Variants in WWOX observed in about 807,000 individuals in gnomAD.
The protein encoded by WWOX is WW domain containing oxidoreductase.
In WWOX, 69 loss-of-function variants were observed where a neutral mutation model predicts 46.2. That is an observed-to-expected ratio of 1.49 (90% CI 1.23 to 1.82). The LOEUF is 1.82. WWOX is among the 40% of genes most tolerant of loss of function. The probability of loss-of-function intolerance (pLI) is 0.00; values close to 1 mark genes in which losing one functional copy is unlikely to be tolerated. For synonymous variants in WWOX, 359 were observed against 202.6 expected (o/e 1.77, Z -6.56); for missense variants, 919 against 542.6 (o/e 1.69, Z -6.89).
chr16:78,546,000 A>G (rs1597244713), intron 8 of WWOX, among the ~76,000 whole-genome samples: 2 of 152,198 alleles, frequency 1.3e-5, no homozygotes, highest in East Asian at 1.9e-4. Context: ...ACTTCAGGAT[A>G]TAAATTTGAG....
chr16:78,494,768 TC>T (rs2084869830), intron 8 of WWOX, among the ~76,000 whole-genome samples: 1 of 152,108 alleles, frequency 6.6e-6, no homozygotes, highest in Non-Finnish European at 1.5e-5. Flanking sequence ...AATTAGCTCC[TC>T]CCCCCATCTT....
In WWOX at chr16:79,198,065, C is replaced by T. The variant is rs925071503; in HGVS notation, c.1057-13543C>T. 3.6e-4 allele frequency among the ~76,000 whole-genome samples: 54 copies of T among 152,060 alleles called. 1 individual carries two copies. The highest frequency in any genetic ancestry group is 8.8e-5 in the Non-Finnish European group (6 of 68,008). On this transcript the variant is annotated intron_variant, in intron 8 of 8. Transcript: ENST00000566780. ...ATGGGCTGGGCATGGTGGCTCATGC[C>T]TATAATCCCAGCACTTGGGGAGGCC... is the stretch of plus-strand genomic sequence containing the variant.
At chr16:78,743,926 G>C (rs994853339) in intron 8 of WWOX, among the ~76,000 whole-genome samples, 2 of 152,074 alleles carry the variant, frequency 1.3e-5, no homozygotes, top group African/African-American at 2.4e-5. Flanking sequence ...CTATGCTTGG[G>C]CTGCTCCCAC....
chr16:78,662,524 C>T (rs370016731), intron 8 of WWOX, among the ~76,000 whole-genome samples: 1 of 152,128 alleles, frequency 6.6e-6, no homozygotes, highest in Non-Finnish European at 1.5e-5. Context: ...CTATCAGGCC[C>T]TTTGGACCAG....
intron 8 of WWOX, among the ~76,000 whole-genome samples, chr16:78,968,661 G>A (rs963086662): frequency 1.3e-5 from 2 of 152,190 alleles, no homozygotes; most frequent in African/African-American, 4.8e-5. Flanking sequence ...TGCCAAGGAG[G>A]CTGATATCGG....
At chr16:78,528,216 G>T (rs575873716) in intron 8 of WWOX, among the ~76,000 whole-genome samples, 2 of 120,428 alleles carry the variant, frequency 1.7e-5, no homozygotes, top group African/African-American at 6.5e-5. Flanking sequence ...GGGTTTCACC[G>T]TGTTAGCCAG....
At chr16:78,788,812 A>T (rs997922112) in intron 8 of WWOX, among the ~76,000 whole-genome samples, 1 of 152,142 alleles carries the variant, frequency 6.6e-6, no homozygotes, top group Non-Finnish European at 1.5e-5. Flanking sequence ...GTCTGGGGGT[A>T]TGGGGGGCAG....
chr16:79,151,226 A>T (rs2050272389), intron 8 of WWOX, among the ~76,000 whole-genome samples: 1 of 152,180 alleles, frequency 6.6e-6, no homozygotes, highest in South Asian at 2.1e-4. Flanking sequence ...GATCATTTGA[A>T]ATCTGGAACA....
At chr16:78,278,498 GTTAA>G (rs1184155574) in intron 5 of WWOX, 22 of 1,161,838 alleles carry the variant, frequency 1.9e-5, no homozygotes, top group Non-Finnish European at 2.7e-5. Flanking sequence ...GCTTGAATTT[GTTAA>G]TTAATTAGCA....
At chr16:79,101,382 G>T (rs2049189684) in intron 8 of WWOX, 1 of 152,190 alleles carries the variant, frequency 6.6e-6, no homozygotes, top group African/African-American at 2.4e-5. Flanking sequence ...GTCAGGTAAG[G>T]TGGAATTTGG....
chr16:78,805,236 C>G (rs970154312), intron 8 of WWOX, among the ~76,000 whole-genome samples: 1 of 152,094 alleles, frequency 6.6e-6, no homozygotes, highest in South Asian at 2.1e-4. Flanking sequence ...TCTGGAGAAT[C>G]AAATCCAAAA....
At chr16:78,562,514 G>A (rs752847427) in intron 8 of WWOX, among the ~76,000 whole-genome samples, 37 of 152,168 alleles carry the variant, frequency 2.4e-4, no homozygotes, top group Admixed American at 2.3e-3. Context: ...TTCTGCACTT[G>A]TTGACCTTGA....
At chr16:78,407,438 A>C (rs1234140969) in intron 6 of WWOX, among the ~76,000 whole-genome samples, 1 of 152,198 alleles carries the variant, frequency 6.6e-6, no homozygotes, top group East Asian at 1.9e-4. Context: ...AATTATCTTA[A>C]CATTCAGAAG....
intron 8 of WWOX, among the ~76,000 whole-genome samples, chr16:78,454,344 A>C (rs1030674698): frequency 2.0e-5 from 2 of 100,358 alleles, no homozygotes; most frequent in African/African-American, 8.6e-5. Context: ...ATACATTTAT[A>C]CTTATGTATA....
chr16:78,130,984 G>A (rs1243767514), intron 4 of WWOX, among the ~76,000 whole-genome samples: 1 of 152,198 alleles, frequency 6.6e-6, no homozygotes, highest in Non-Finnish European at 1.5e-5. Context: ...ATAGCCTGTT[G>A]CTTCCAGGCT....
At chr16:79,066,401 G>A (rs540375607) in intron 8 of WWOX, among the ~76,000 whole-genome samples, 6 of 152,056 alleles carry the variant, frequency 3.9e-5, no homozygotes, top group East Asian at 1.9e-4. Context: ...ATCTGCCTTC[G>A]TCACCATTTT....
chr16:78,711,876 T>G (rs1166207391), intron 8 of WWOX, among the ~76,000 whole-genome samples: 2 of 152,128 alleles, frequency 1.3e-5, no homozygotes, highest in African/African-American at 4.8e-5. Flanking sequence ...ACAAATTCCC[T>G]CAGTGCACGC....
intron 8 of WWOX, among the ~76,000 whole-genome samples, chr16:78,974,237 G>C (rs1020292479): frequency 1.3e-5 from 2 of 152,234 alleles, no homozygotes; most frequent in African/African-American, 4.8e-5. Context: ...TTTTGGATTT[G>C]TGTTAGAGAA....
At chr16:78,548,407 T>C (rs1207704124) in intron 8 of WWOX, among the ~76,000 whole-genome samples, 2 of 152,172 alleles carry the variant, frequency 1.3e-5, no homozygotes, top group African/African-American at 4.8e-5. Context: ...CCGAATTTTC[T>C]AAGTGATGAA....
Sources: allele counts gnomAD v4.1 joint callset (sites outside exome capture counted in the v4.1 genomes callset), GRCh38; gene constraint gnomAD v4.1.1; transcripts MANE v1.5; gene names NCBI Gene and HGNC (gene_info 2026-07-23, HGNC 2026-07-21).